TBL1X: variants seen among roughly 807,000 people sequenced by gnomAD.
The protein encoded by TBL1X is transducin beta like 1 X-linked, also known as F-box-like/WD repeat-containing protein TBL1X.
A neutral mutation model predicts 50.7 loss-of-function variants in TBL1X; 10 were observed. That is an observed-to-expected ratio of 0.20 (90% CI 0.12 to 0.33). The LOEUF (loss-of-function observed/expected upper bound fraction) is 0.33. Among genes scored for constraint, TBL1X ranks in the 10% least tolerant of loss-of-function variants. The probability of loss-of-function intolerance (pLI) is 1.00; values close to 1 mark genes in which losing one functional copy is unlikely to be tolerated. For missense variants in TBL1X, 340 were observed against 504.4 expected (o/e 0.67, Z 3.12); for synonymous variants, 190 against 214.7 (o/e 0.88, Z 1.01).
intron 2 of TBL1X, among the ~76,000 whole-genome samples, chrX:9,593,193 GGAGTTCAA>G (rs1162503038): frequency 1.8e-5 from 2 of 110,378 alleles, no homozygotes; most frequent in East Asian, 5.7e-4. Context: ...CCTGAGGTCA[GGAGTTCAA>G]GACCAGCCTG....
intron 16 of TBL1X, among the ~76,000 whole-genome samples, chrX:9,714,420 A>G (rs1463394228): frequency 1.8e-5 from 2 of 111,577 alleles, no homozygotes; most frequent in Non-Finnish European, 3.8e-5. Context: ...TGGGGGAAAG[A>G]GCTGTGATGG....
intron 17 of TBL1X, 67 bp downstream of exon 17, chrX:9,715,070 C>T: frequency 9.6e-7 from 1 of 1,037,462 alleles, no homozygotes; most frequent in Non-Finnish European, 1.3e-6. Flanking sequence ...AGTGAGCTTC[C>T]AGGGCGTGTG....
At chrX:9,545,369 C>T (rs2082237128) in intron 2 of TBL1X, among the ~76,000 whole-genome samples, 1 of 109,548 alleles carries the variant, frequency 9.1e-6, no homozygotes, top group Admixed American at 9.8e-5. Flanking sequence ...AGCAAAATCC[C>T]ATCTCTGCAA....
intron 2 of TBL1X, among the ~76,000 whole-genome samples, chrX:9,536,619 C>G (rs1426033834): frequency 1.8e-5 from 2 of 111,497 alleles, no homozygotes; most frequent in East Asian, 5.6e-4. Context: ...AAATAAGTTA[C>G]ATTTGTCTTG....
rs780373763 is a variant in TBL1X, at chrX:9,538,887, G to A, written c.-131+37038G>A. On this transcript the variant is annotated intron_variant, in intron 2 of 17. Coordinates refer to ENST00000645353, the MANE Select transcript of TBL1X (RefSeq NM_005647.4). ...GTGTGCACCTGCTGGGGAGAAGCCC[G>A]CTGGGGCCCCTCCTCTCAGCACAAG... 4.4e-5 allele frequency among the ~76,000 whole-genome samples: 5 copies of A among 112,878 alleles called. No homozygotes were observed. The South Asian group carries it at 1.1e-3, about 25-fold the overall frequency.
At chrX:9,574,459 G>GAAAAA (rs376384853) in intron 2 of TBL1X, among the ~76,000 whole-genome samples, 1 of 30,131 alleles carries the variant, frequency 3.3e-5, no homozygotes, top group Non-Finnish European at 6.7e-5. Flanking sequence ...TGTCTCAAAT[G>GAAAAA]AAAAAAAAAA....
chrX:9,517,309 C>T lies in TBL1X; in HGVS notation c.-131+15460C>T, dbSNP rs563880315. Among the ~76,000 whole-genome samples the T allele has an allele frequency of 3.6e-5, 4 of 111,399 alleles. No homozygotes were observed. The South Asian group carries it at 1.2e-3, about 32-fold the overall frequency. The stretch of plus-strand genomic sequence containing the variant: ...TTTGAACTGTGGATTCCTTCCCATA[C>T]ACCTGTGCATTCTCAGTGCCGTGGT... On this transcript the variant is annotated intron_variant, in intron 2 of 17. Transcript: ENST00000645353.
rs141608941 is a variant in TBL1X, at chrX:9,616,542, G to T, written c.-130-23731G>T. On this transcript the variant is annotated intron_variant, in intron 2 of 17. Transcript: ENST00000645353. ...TGAACTCGCTTAAAACTACTGAGAAGCTTATACTCACGCAGGTTGAATGGA... is the reference window on the plus strand; with the variant it reads ...TGAACTCGCTTAAAACTACTGAGAATCTTATACTCACGCAGGTTGAATGGA... Among the ~76,000 whole-genome samples the T allele has an allele frequency of 2.1e-3, 238 of 111,831 alleles. 1 individual carries two copies. Among genetic ancestry groups the T allele is most frequent in the African/African-American group, 7.4e-3 (229 of 30,805 alleles).
At chrX:9,538,736 C>T (rs1002908548) in intron 2 of TBL1X, among the ~76,000 whole-genome samples, 2 of 112,513 alleles carry the variant, frequency 1.8e-5, no homozygotes, top group Non-Finnish European at 3.8e-5. Context: ...TTGAGGGTGC[C>T]TTGTGTCCAG....
At chrX:9,648,644 G>T (rs1248950100) in intron 3 of TBL1X, among the ~76,000 whole-genome samples, 1 of 112,180 alleles carries the variant, frequency 8.9e-6, no homozygotes. Context: ...GTGAAGGAAG[G>T]TGCTTGTGGA....
intron 2 of TBL1X, among the ~76,000 whole-genome samples, chrX:9,610,440 T>C (rs2082607806): frequency 8.9e-6 from 1 of 112,715 alleles, no homozygotes; most frequent in Admixed American, 9.4e-5. Flanking sequence ...TATATGTGAA[T>C]GTGTGTCTGT....
At chrX:9,536,128 C>A (rs1031072920) in intron 2 of TBL1X, among the ~76,000 whole-genome samples, 1 of 111,766 alleles carries the variant, frequency 8.9e-6, no homozygotes, top group African/African-American at 3.3e-5. Context: ...CAGTACATAT[C>A]CTTTCTGTTT....
At chrX:9,476,379 T>C (rs907556328) in intron 1 of TBL1X, among the ~76,000 whole-genome samples, 2 of 112,646 alleles carry the variant, frequency 1.8e-5, no homozygotes, top group Non-Finnish European at 3.8e-5. Flanking sequence ...ACCACTGAAT[T>C]GCTTCAGCTG....
At chrX:9,562,647 A>G (rs1414188077) in intron 2 of TBL1X, among the ~76,000 whole-genome samples, 1 of 111,983 alleles carries the variant, frequency 8.9e-6, no homozygotes, top group African/African-American at 3.3e-5. Context: ...TGAAGAGTAG[A>G]CTAAGAAAAT....
intron 5 of TBL1X, among the ~76,000 whole-genome samples, chrX:9,680,665 G>C (rs1428492483): frequency 9.0e-6 from 1 of 111,444 alleles, no homozygotes; most frequent in African/African-American, 3.3e-5. Flanking sequence ...TTGCTCTAGA[G>C]GCCATGTAGA....
chrX:9,612,056 G>C (rs2082616510), intron 2 of TBL1X, among the ~76,000 whole-genome samples: 1 of 112,899 alleles, frequency 8.9e-6, no homozygotes, highest in Non-Finnish European at 1.9e-5. Context: ...CCTGGACCTT[G>C]GTCAGGTGTC....
intron 2 of TBL1X, among the ~76,000 whole-genome samples, chrX:9,606,019 C>T (rs146005241): frequency 6.0e-4 from 67 of 112,366 alleles, no homozygotes; most frequent in African/African-American, 2.0e-3. Context: ...TGTCATGAAT[C>T]CAGGTGCAGC....
intron 2 of TBL1X, among the ~76,000 whole-genome samples, chrX:9,619,893 G>T (rs914265498): frequency 4.4e-5 from 5 of 112,381 alleles, no homozygotes; most frequent in Non-Finnish European, 9.4e-5. Flanking sequence ...CTGTGCACAC[G>T]TAAATCAGTG....
intron 2 of TBL1X, among the ~76,000 whole-genome samples, chrX:9,604,152 A>G (rs1393875574): frequency 9.0e-6 from 1 of 111,576 alleles, no homozygotes. Flanking sequence ...TTCCCCTGGT[A>G]TACTCCAGGG....
Sources: allele counts gnomAD v4.1 joint callset (sites outside exome capture counted in the v4.1 genomes callset), GRCh38; gene constraint gnomAD v4.1.1; transcripts MANE v1.5; gene names NCBI Gene and HGNC (gene_info 2026-07-23, HGNC 2026-07-21).